GRID1: variants seen among roughly 807,000 people sequenced by gnomAD.
The protein encoded by GRID1 is glutamate receptor ionotropic, delta-1.
In GRID1, 28 loss-of-function variants were observed where a neutral mutation model predicts 98.0. The ratio of observed to expected loss-of-function variants is 0.29; its 90% CI spans 0.21 to 0.39. GRID1 has a LOEUF of 0.39. Among genes scored for constraint, GRID1 ranks in the 10% least tolerant of loss-of-function variants. GRID1 has a pLI of 1.00. For missense variants in GRID1, 1,111 were observed against 1,340.5 expected, an observed-to-expected ratio of 0.83 and a Z score of 2.67; for synonymous variants, 553 against 538.5, an observed-to-expected ratio of 1.03 and a Z score of -0.37.
intron 2 of GRID1, among the ~76,000 whole-genome samples, chr10:86,212,538 C>T: frequency 6.6e-6 from 1 of 152,228 alleles, no homozygotes; most frequent in East Asian, 1.9e-4. Flanking sequence ...CGGGCTCAGC[C>T]CTGCCTGCCC....
At chr10:85,896,606 G>A (rs1400972747) in intron 5 of GRID1, among the ~76,000 whole-genome samples, 1 of 152,178 alleles carries the variant, frequency 6.6e-6, no homozygotes, top group Non-Finnish European at 1.5e-5. Flanking sequence ...AATAGAAGTA[G>A]ACGTGATGAT....
chr10:85,888,337 C>A (rs1031443736), intron 5 of GRID1, among the ~76,000 whole-genome samples: 1 of 152,178 alleles, frequency 6.6e-6, no homozygotes, highest in Admixed American at 6.5e-5. Flanking sequence ...AGTCTCCTCT[C>A]CCTAAAGACT....
intron 8 of GRID1, among the ~76,000 whole-genome samples, chr10:85,736,027 G>A (rs1398954635): frequency 1.5e-5 from 2 of 135,322 alleles, no homozygotes; most frequent in Non-Finnish European, 3.2e-5. Context: ...GGGAGGGAAG[G>A]AGGGAAGTAG....
intron 2 of GRID1, among the ~76,000 whole-genome samples, chr10:86,294,982 G>C (rs992436194): frequency 6.6e-6 from 1 of 152,134 alleles, no homozygotes; most frequent in African/African-American, 2.4e-5. Context: ...GGTAAGGAAA[G>C]GACTGAGATT....
intron 3 of GRID1, among the ~76,000 whole-genome samples, chr10:86,139,315 C>T (rs1424895527): frequency 2.0e-5 from 3 of 152,134 alleles, no homozygotes; most frequent in African/African-American, 7.2e-5. Flanking sequence ...TCTTTCTTTC[C>T]CTATATGGGC....
intron 12 of GRID1, among the ~76,000 whole-genome samples, chr10:85,693,688 G>A (rs1398110033): frequency 6.6e-6 from 1 of 152,112 alleles, no homozygotes; most frequent in Non-Finnish European, 1.5e-5. Context: ...CTGGGGAAAG[G>A]GGACACTTTT....
In GRID1 at chr10:85,624,506, G is replaced by A. The variant is rs939909484; in HGVS notation, c.2194-4473C>T. The stretch of plus-strand genomic sequence containing the variant: ...CTTTTGACCCCACAGAGCCCTTCAG[G>A]ACTAGATACGGAGTCCTGGGACTCC... On this transcript the variant is annotated intron_variant, in intron 13 of 15. Transcript: ENST00000327946. 2.6e-5 allele frequency among the ~76,000 whole-genome samples: 4 copies of A among 152,170 alleles called. No individual in the cohort carries two copies. The East Asian group carries it at 7.7e-4, about 29-fold the overall frequency.
Position 86,139,021 on chromosome 10 carries a change from A to G in GRID1, c.524T>C (p.Ile175Thr). 1 of 1,609,972 alleles carries G rather than the reference A, an allele frequency of 6.2e-7. No individual in the cohort carries two copies. The highest frequency in any genetic ancestry group is 1.1e-5 in the South Asian group (1 of 91,008). Residue 175 changes from isoleucine (I) to threonine (T), a missense_variant, in exon 4 of 16, where the codon ATC becomes ACC. Ile to Thr is a moderately conservative substitution (Grantham distance 89). Transcript: ENST00000327946. ...GTCCAGAAAGCTTTGAAGCCCACGGATATCTGAGCAGTGAGAGAAGAGGAG... is the reference window on the plus strand; with the variant it reads ...GTCCAGAAAGCTTTGAAGCCCACGGGTATCTGAGCAGTGAGAGAAGAGGAG... ...FVMFYDSEYD[I>T]RGLQSFLDQA...
At chr10:86,349,531 G>A (rs1157963047) in intron 2 of GRID1, among the ~76,000 whole-genome samples, 1 of 152,206 alleles carries the variant, frequency 6.6e-6, no homozygotes, top group African/African-American at 2.4e-5. Context: ...CATGGCCTTG[G>A]AAGCCCTCAT....
chr10:86,288,472 A>G (rs1266503516), intron 2 of GRID1, among the ~76,000 whole-genome samples: 1 of 152,216 alleles, frequency 6.6e-6, no homozygotes, highest in Non-Finnish European at 1.5e-5. Context: ...CCACACTGCT[A>G]TTCTAGAATG....
intron 2 of GRID1, among the ~76,000 whole-genome samples, chr10:86,235,198 A>C (rs1846518566): frequency 6.6e-6 from 1 of 151,962 alleles, no homozygotes; most frequent in South Asian, 2.1e-4. Context: ...TCCACCCACC[A>C]CCAAATGCAA....
chr10:86,138,217 C>T lies in GRID1; in HGVS notation c.726+602G>A, dbSNP rs149823732. Reference sequence around the variant, plus strand: ...TAGTTTCTTCTCAAATTAATGGATTCTTTACAAATGAATGGATTCTTTACT... The same window carrying T: ...TAGTTTCTTCTCAAATTAATGGATTTTTTACAAATGAATGGATTCTTTACT... On this transcript the variant is annotated intron_variant, in intron 4 of 15. Transcript: ENST00000327946. Among the ~76,000 whole-genome samples the T allele has an allele frequency of 3.7e-3, 570 of 152,302 alleles. 3 individuals are homozygous for T. Among genetic ancestry groups the T allele is most frequent in the African/African-American group, 0.013 (541 of 41,554 alleles).
chr10:85,704,249 G>A (rs1841488263), intron 12 of GRID1, among the ~76,000 whole-genome samples: 1 of 152,082 alleles, frequency 6.6e-6, no homozygotes, highest in African/African-American at 2.4e-5. Flanking sequence ...ACACACACAG[G>A]CTCAAAATAA....
At chr10:85,885,358 T>C (rs75309193) in intron 5 of GRID1, among the ~76,000 whole-genome samples, 3,151 of 152,326 alleles carry the variant, frequency 0.021, 125 homozygotes, top group East Asian at 0.18. Flanking sequence ...CCAGGGTATA[T>C]GGCTGGCTTC....
chr10:85,778,523 A>G (rs1564588062), intron 8 of GRID1, among the ~76,000 whole-genome samples: 2 of 152,212 alleles, frequency 1.3e-5, no homozygotes, highest in Non-Finnish European at 2.9e-5. Context: ...AAGCAAAAAG[A>G]TACAGTTCCT....
At chr10:86,011,804 T>C (rs1242369441) in intron 4 of GRID1, among the ~76,000 whole-genome samples, 1 of 152,212 alleles carries the variant, frequency 6.6e-6, no homozygotes, top group Non-Finnish European at 1.5e-5. Flanking sequence ...GAAGTTGAGA[T>C]GCCAAACTTC....
chr10:86,053,506 G>C (rs1221042463), intron 4 of GRID1, among the ~76,000 whole-genome samples: 2 of 151,978 alleles, frequency 1.3e-5, no homozygotes, highest in African/African-American at 4.8e-5. Flanking sequence ...CTATAGGCAT[G>C]CGCCACCATG....
At chr10:86,215,168 G>T (rs1013627584) in intron 2 of GRID1, among the ~76,000 whole-genome samples, 2 of 152,188 alleles carry the variant, frequency 1.3e-5, no homozygotes, top group Non-Finnish European at 2.9e-5. Context: ...CTCACCAGGA[G>T]CACTACCAGG....
At chr10:85,669,863 G>T (rs1022464376) in intron 12 of GRID1, among the ~76,000 whole-genome samples, 4 of 152,212 alleles carry the variant, frequency 2.6e-5, no homozygotes, top group African/African-American at 9.7e-5. Context: ...TCAGCAATCA[G>T]TGAATGGAGC....
Sources: gnomAD v4.1 joint callset for allele counts (sites outside exome capture counted in the v4.1 genomes callset) on GRCh38, gnomAD v4.1.1 for gene constraint, MANE v1.5 for transcripts, NCBI Gene and HGNC (gene_info 2026-07-23, HGNC 2026-07-21) for gene names.